The following GOLIM4 variants were observed in gnomAD, a reference collection of about 807,000 sequenced individuals.
GOLIM4 encodes the protein golgi integral membrane protein 4.
GOLIM4 carries 71 observed loss-of-function variants against 107.4 expected under a neutral mutation model. That is an observed-to-expected ratio of 0.66 (90% confidence interval 0.55 to 0.81). GOLIM4 has a LOEUF of 0.81. Ranked by LOEUF, GOLIM4 falls within the 30% of genes least tolerant of loss-of-function variation. The probability of loss-of-function intolerance (pLI) is 0.00; values close to 1 mark genes in which losing one functional copy is unlikely to be tolerated. For synonymous variants in GOLIM4, 327 were observed against 294.8 expected (o/e 1.11, Z -1.12); for missense variants, 830 against 826.1 (o/e 1.00, Z -0.06).
intron 7 of GOLIM4, among the ~76,000 whole-genome samples, chr3:168,039,153 T>C (rs1021642823): frequency 3.9e-5 from 6 of 151,986 alleles, no homozygotes; most frequent in African/African-American, 7.2e-5. Flanking sequence ...TAATTAAGGA[T>C]TGCACCTAGT....
chr3:168,038,667 G>C (rs554725072), intron 7 of GOLIM4, among the ~76,000 whole-genome samples: 1 of 152,170 alleles, frequency 6.6e-6, no homozygotes, highest in African/African-American at 2.4e-5. Flanking sequence ...TAAAAATCAG[G>C]TTGTCAAGGC....
Position 168,044,897 on chromosome 3 carries a change from A to AG in GOLIM4, c.313-17_313-16insC. On this transcript the variant is annotated splice_polypyrimidine_tract_variant and intron_variant, in intron 3 of 15. Transcript: ENST00000470487. ...TGGAATCTTGCTGTAAATCAAAAAAAAAAAAGAAAACACAAAGATAAATAT... is the reference window on the plus strand; with the variant it reads ...TGGAATCTTGCTGTAAATCAAAAAAAGAAAAAGAAAACACAAAGATAAATAT... 6.7e-7 allele frequency: 1 copy of AG among 1,498,386 alleles called. No homozygotes were observed. The highest frequency in any genetic ancestry group is 9.1e-7 in the Non-Finnish European group (1 of 1,100,380). The allele number at this position is 1,498,386 out of a possible 1,614,324, so 92.8% of individuals were successfully genotyped here.
chr3:168,025,145 G>A (rs946494941), intron 12 of GOLIM4, 50 bp from the exon 13 acceptor site: 17 of 1,468,436 alleles, frequency 1.2e-5, no homozygotes, highest in Non-Finnish European at 1.6e-5. Context: ...TGAGGATCAA[G>A]TTTAATTTCA....
At chr3:168,047,441 G>A (rs1349656591) in intron 2 of GOLIM4, among the ~76,000 whole-genome samples, 1 of 152,060 alleles carries the variant, frequency 6.6e-6, no homozygotes, top group African/African-American at 2.4e-5. Context: ...TCCACTAGAT[G>A]GCTCTATAAA....
chr3:168,034,171 T>C (rs970193501), intron 8 of GOLIM4, among the ~76,000 whole-genome samples: 2 of 152,220 alleles, frequency 1.3e-5, no homozygotes, highest in African/African-American at 4.8e-5. Context: ...TCCTCACATA[T>C]CTGGCAAGTT....
intron 1 of GOLIM4, among the ~76,000 whole-genome samples, chr3:168,089,026 T>C (rs1721766247): frequency 6.6e-6 from 1 of 152,206 alleles, no homozygotes; most frequent in South Asian, 2.1e-4. Context: ...ATGACTAAGG[T>C]GGGCACAACG....
rs754054604 is a variant in GOLIM4 at position 168,025,000 on chromosome 3, C to G, written c.1719G>C (p.Leu573Phe). Reference protein sequence around the residue: ...EEAEQVREENLPDENEEQKQS... With the variant: ...EEAEQVREENFPDENEEQKQS... ...GTTTTTGCTCTTCATTTTCATCTGG[C>G]AAATTTTCTTCTCTCACTTGCTCGG... The change falls in exon 13 of 16, where the codon TTG becomes TTC. Residue 573 changes from leucine to phenylalanine, a missense_variant. Leu to Phe is a conservative substitution (Grantham distance 22). Transcript: ENST00000470487. 26 of 1,613,766 alleles carry G rather than the reference C, an allele frequency of 1.6e-5. No homozygotes were observed. The highest frequency in any genetic ancestry group is 2.0e-5 in the Non-Finnish European group (24 of 1,179,822).
At chr3:168,089,921 C>A (rs1007427571) in intron 1 of GOLIM4, among the ~76,000 whole-genome samples, 2 of 152,086 alleles carry the variant, frequency 1.3e-5, no homozygotes, top group Non-Finnish European at 2.9e-5. Flanking sequence ...GCATGTGCCA[C>A]CACACCTGGC....
intron 1 of GOLIM4, among the ~76,000 whole-genome samples, chr3:168,057,808 C>G (rs1451915105): frequency 6.6e-6 from 1 of 152,214 alleles, no homozygotes; most frequent in Admixed American, 6.5e-5. Flanking sequence ...ACTACCACTT[C>G]AGTCTCAATC....
intron 1 of GOLIM4, among the ~76,000 whole-genome samples, chr3:168,092,668 G>A (rs1458177393): frequency 6.6e-6 from 1 of 152,122 alleles, no homozygotes; most frequent in East Asian, 1.9e-4. Context: ...TAAGACTGGA[G>A]AGCCTGATGT....
Position 168,010,000 on chromosome 3 carries a change from T to C in GOLIM4, c.*269A>G, listed in dbSNP as rs1015048675. The C allele has an allele frequency of 3.1e-5, 9 of 287,718 alleles. No individual in the cohort carries two copies. The highest frequency in any genetic ancestry group is 5.1e-5 in the Non-Finnish European group (8 of 158,326). The allele number at this position is 287,718 out of a possible 1,614,324, so 17.8% of individuals were successfully genotyped here. On this transcript the variant is annotated 3_prime_UTR_variant, in exon 16 of 16. Coordinates refer to ENST00000470487, the MANE Select transcript of GOLIM4 (RefSeq NM_014498.5). ...CAATGAGCTTTCCAACATCACATAA[T>C]CTATTAAAAAAATTGGGACGTGGGG...
At position 168,051,967 on chromosome 3, in the gene GOLIM4, G is replaced by A. The variant is rs138885290; in HGVS notation, c.188-3602C>T. Among the ~76,000 whole-genome samples the A allele has an allele frequency of 4.8e-3, 724 of 152,204 alleles. 1 individual carries two copies. The highest frequency in any genetic ancestry group is 8.3e-3 in the Non-Finnish European group (565 of 67,988). On this transcript the variant is annotated intron_variant, in intron 1 of 15. Transcript: ENST00000470487. ...AAGTCAGAGTGAAAACTGGCCCTTC[G>A]AACTGAAAAATCTAGAAAGAAGAGG...
chr3:168,074,587 G>A (rs569841399), intron 1 of GOLIM4, among the ~76,000 whole-genome samples: 18 of 152,290 alleles, frequency 1.2e-4, no homozygotes, highest in African/African-American at 4.3e-4. Context: ...TTCCTTCAAA[G>A]AGAGATGGGA....
intron 12 of GOLIM4, among the ~76,000 whole-genome samples, chr3:168,026,083 A>G (rs1314472459): frequency 6.6e-6 from 1 of 152,172 alleles, no homozygotes; most frequent in Admixed American, 6.5e-5. Flanking sequence ...TTCTACTTCA[A>G]TTCACTTAGG....
At chr3:168,092,360 C>CT (rs763001144) in intron 1 of GOLIM4, among the ~76,000 whole-genome samples, 2 of 152,168 alleles carry the variant, frequency 1.3e-5, no homozygotes, top group African/African-American at 2.4e-5. Flanking sequence ...TGCCTAGTCT[C>CT]TGACCTTTCT....
chr3:168,047,792 C>T (rs1238850394), intron 2 of GOLIM4, among the ~76,000 whole-genome samples: 1 of 152,142 alleles, frequency 6.6e-6, no homozygotes, highest in Non-Finnish European at 1.5e-5. Context: ...ACTGAATCAA[C>T]TGATGTGTCA....
chr3:168,037,832 T>G (rs1198378250), intron 7 of GOLIM4, among the ~76,000 whole-genome samples: 1 of 152,236 alleles, frequency 6.6e-6, no homozygotes, highest in African/African-American at 2.4e-5. Context: ...TGTGTATACT[T>G]TGCTCATTCT....
intron 1 of GOLIM4, among the ~76,000 whole-genome samples, chr3:168,083,514 G>A (rs1207579829): frequency 6.6e-6 from 1 of 152,054 alleles, no homozygotes; most frequent in Non-Finnish European, 1.5e-5. Flanking sequence ...CAGGTCAAAC[G>A]GTTTAAATAC....
intron 1 of GOLIM4, among the ~76,000 whole-genome samples, chr3:168,060,823 T>C (rs1720227106): frequency 6.6e-6 from 1 of 152,114 alleles, no homozygotes; most frequent in South Asian, 2.1e-4. Flanking sequence ...TAGGGGAGTT[T>C]TGTCAATACT....
Sources: allele counts gnomAD v4.1 joint callset (sites outside exome capture counted in the v4.1 genomes callset), GRCh38; gene constraint gnomAD v4.1.1; transcripts MANE v1.5; gene names NCBI Gene and HGNC (gene_info 2026-07-23, HGNC 2026-07-21).